Variants in TMTC2 observed in about 807,000 individuals in gnomAD.
TMTC2 encodes protein O-mannosyl-transferase TMTC2.
Under a neutral mutation model 82.4 loss-of-function variants are expected in TMTC2, and 43 were observed. The observed-to-expected ratio is 0.52, with a 90% confidence interval of 0.41 to 0.67. The LOEUF is 0.67. Among genes scored for constraint, TMTC2 ranks in the 30% least tolerant of loss-of-function variants. TMTC2 has a pLI of 0.00. For synonymous variants in TMTC2, 408 were observed against 381.9 expected (o/e 1.07, Z -0.80); for missense variants, 919 against 1,012.4 (o/e 0.91, Z 1.25).
chr12:82,900,822 T>C (rs1204214073), intron 3 of TMTC2, among the ~76,000 whole-genome samples: 1 of 132,956 alleles, frequency 7.5e-6, no homozygotes, highest in Non-Finnish European at 1.6e-5. Context: ...TAGGAATATA[T>C]ATACCTGGAA....
At chr12:82,954,429 G>GA (rs1205463472) in intron 4 of TMTC2, among the ~76,000 whole-genome samples, 3 of 152,168 alleles carry the variant, frequency 2.0e-5, no homozygotes, top group Non-Finnish European at 4.4e-5. Flanking sequence ...ACAATTCACT[G>GA]AAAAATTATT....
At chr12:82,948,487 A>G (rs1877156723) in intron 4 of TMTC2, among the ~76,000 whole-genome samples, 1 of 152,216 alleles carries the variant, frequency 6.6e-6, no homozygotes. Flanking sequence ...GCAAAAAAAT[A>G]TATATATAGC....
chr12:82,908,802 C>G (rs538016490), intron 3 of TMTC2, among the ~76,000 whole-genome samples: 31 of 151,144 alleles, frequency 2.1e-4, no homozygotes, highest in Non-Finnish European at 3.8e-4. Flanking sequence ...ATAGATGACT[C>G]TTTTTTTTTC....
chr12:82,912,354 G>A (rs1874723446), intron 3 of TMTC2, among the ~76,000 whole-genome samples: 1 of 152,112 alleles, frequency 6.6e-6, no homozygotes, highest in South Asian at 2.1e-4. Context: ...TTGGGGCTCT[G>A]TGTAGGAACT....
At chr12:82,855,364 T>G (rs1592577232) in intron 1 of TMTC2, among the ~76,000 whole-genome samples, 1 of 152,186 alleles carries the variant, frequency 6.6e-6, no homozygotes, top group East Asian at 1.9e-4. Context: ...AACCTGCTTT[T>G]CGGTAATACT....
intron 11 of TMTC2, among the ~76,000 whole-genome samples, chr12:83,076,699 G>A (rs1440908121): frequency 6.6e-6 from 1 of 152,098 alleles, no homozygotes; most frequent in African/African-American, 2.4e-5. Flanking sequence ...TTATTTTACA[G>A]GTATTTATGC....
chr12:82,771,104 G>A (rs562899607), intron 1 of TMTC2, among the ~76,000 whole-genome samples: 1 of 152,106 alleles, frequency 6.6e-6, no homozygotes, highest in Admixed American at 6.5e-5. Flanking sequence ...CTACTCAGGA[G>A]GCTGAGGCAG....
At chr12:82,893,867 TA>T (rs1873523610) in intron 2 of TMTC2, among the ~76,000 whole-genome samples, 1 of 152,168 alleles carries the variant, frequency 6.6e-6, no homozygotes, top group Non-Finnish European at 1.5e-5. Flanking sequence ...TAAGTTGTGT[TA>T]AGAAGGACAG....
At chr12:82,726,797 T>G (rs1195929273) in intron 1 of TMTC2, among the ~76,000 whole-genome samples, 1 of 143,986 alleles carries the variant, frequency 6.9e-6, no homozygotes, top group Non-Finnish European at 1.5e-5. Context: ...GAGAATGGCG[T>G]GAACCCAGGA....
At chr12:82,699,969 A>C (rs1375901307) in intron 1 of TMTC2, among the ~76,000 whole-genome samples, 2 of 152,206 alleles carry the variant, frequency 1.3e-5, no homozygotes. Flanking sequence ...GACTATATTT[A>C]TATAGTACTT....
chr12:82,989,899 CT>C (rs1430884647), intron 8 of TMTC2, among the ~76,000 whole-genome samples: 8 of 151,980 alleles, frequency 5.3e-5, no homozygotes, highest in Non-Finnish European at 1.0e-4. Flanking sequence ...AATACAAACC[CT>C]ATTATGGAAT....
chr12:82,695,686 C>T (rs1165804406), intron 1 of TMTC2, among the ~76,000 whole-genome samples: 3 of 152,184 alleles, frequency 2.0e-5, no homozygotes, highest in African/African-American at 7.2e-5. Context: ...TACTGGTTGT[C>T]AGTGCATGTA....
intron 11 of TMTC2, among the ~76,000 whole-genome samples, chr12:83,062,133 T>C (rs918347721): frequency 1.3e-5 from 2 of 151,748 alleles, no homozygotes; most frequent in African/African-American, 4.8e-5. Flanking sequence ...AAATACTTTG[T>C]ATTTGGATAA....
chr12:82,780,133 T>G (rs7313491), intron 1 of TMTC2, among the ~76,000 whole-genome samples: 1,579 of 152,316 alleles, frequency 0.01, 16 homozygotes, highest in African/African-American at 0.036. Flanking sequence ...TCCACGCCAG[T>G]TGTATAATTC....
At chr12:83,028,637 T>TA (rs1457204185) in intron 8 of TMTC2, among the ~76,000 whole-genome samples, 5 of 152,150 alleles carry the variant, frequency 3.3e-5, no homozygotes, top group Admixed American at 2.6e-4. Flanking sequence ...CTTTTTTTTT[T>TA]ATTAAAGAAA....
chr12:82,872,010 C>G lies in TMTC2; in HGVS notation c.654+14430C>G, dbSNP rs541719649. 1.0e-4 allele frequency among the ~76,000 whole-genome samples: 14 copies of G among 133,894 alleles called. No individual in the cohort carries two copies. The South Asian group carries it at 3.0e-3, about 29-fold the overall frequency. The allele number at this position is 133,894 out of a possible 152,430, so 87.8% of individuals were successfully genotyped here. ...TTACAAAAAAGTTGAACAACACCCC[C>G]CCCCCCGCCCACACCCCGCAGTTGC... On this transcript the variant is annotated intron_variant, in intron 2 of 11. Transcript: ENST00000321196.
chr12:82,986,854 G>A (rs1296635144), intron 8 of TMTC2, among the ~76,000 whole-genome samples: 1 of 152,148 alleles, frequency 6.6e-6, no homozygotes, highest in Non-Finnish European at 1.5e-5. Context: ...ATAGTGAATA[G>A]TTTAAAAGTT....
intron 4 of TMTC2, among the ~76,000 whole-genome samples, chr12:82,937,784 ATATATATATATAC>A (rs1876451682): frequency 4.1e-5 from 1 of 24,224 alleles, no homozygotes; most frequent in African/African-American, 1.2e-4. Context: ...ATATATATAT[ATATATATATATAC>A]ACACATATAT....
intron 11 of TMTC2, among the ~76,000 whole-genome samples, chr12:83,086,852 G>T (rs539700942): frequency 6.6e-6 from 1 of 152,274 alleles, no homozygotes; most frequent in Non-Finnish European, 1.5e-5. Flanking sequence ...TGCTGGTAAA[G>T]CATCTTGGCT....
Sources: gnomAD v4.1 joint callset for allele counts (sites outside exome capture counted in the v4.1 genomes callset) on GRCh38, gnomAD v4.1.1 for gene constraint, MANE v1.5 for transcripts, NCBI Gene and HGNC (gene_info 2026-07-23, HGNC 2026-07-21) for gene names.